The following MACROD2 variants were observed in gnomAD, a reference collection of about 807,000 sequenced individuals.
The protein encoded by MACROD2 is mono-ADP ribosylhydrolase 2, also known as ADP-ribose glycohydrolase MACROD2.
MACROD2 carries 36 observed loss-of-function variants against 70.4 expected under a neutral mutation model. The ratio of observed to expected loss-of-function variants is 0.51; its 90% CI spans 0.39 to 0.68. The LOEUF (loss-of-function observed/expected upper bound fraction) is 0.68, where lower values mean the gene tolerates loss of function less well. Ranked by LOEUF, MACROD2 falls within the 30% of genes least tolerant of loss-of-function variation. The pLI is 0.00. For missense variants in MACROD2, 496 were observed against 538.4 expected (o/e 0.92, Z 0.78); for synonymous variants, 172 against 178.8 (o/e 0.96, Z 0.30).
chr20:15,397,615 A>G (rs944726047), intron 6 of MACROD2, among the ~76,000 whole-genome samples: 3 of 152,086 alleles, frequency 2.0e-5, no homozygotes, highest in African/African-American at 4.8e-5. Flanking sequence ...TGCATTTTCT[A>G]TGGGTGCATT....
intron 3 of MACROD2, among the ~76,000 whole-genome samples, chr20:14,461,486 T>C (rs1156598175): frequency 6.6e-6 from 1 of 151,946 alleles, no homozygotes; most frequent in Admixed American, 6.6e-5. Context: ...ATTTGTTTGC[T>C]GTTACTTCTC....
chr20:14,661,810 A>G (rs910361629), intron 4 of MACROD2, among the ~76,000 whole-genome samples: 6 of 152,126 alleles, frequency 3.9e-5, no homozygotes, highest in African/African-American at 1.4e-4. Flanking sequence ...TCTTTTCAAA[A>G]AACACATTTT....
chr20:15,924,443 A>G (rs762299672), intron 10 of MACROD2, among the ~76,000 whole-genome samples: 5 of 152,170 alleles, frequency 3.3e-5, no homozygotes, highest in Non-Finnish European at 2.9e-5. Context: ...TGAAGCAGTT[A>G]CTCCTTTCAT....
intron 8 of MACROD2, among the ~76,000 whole-genome samples, chr20:15,580,494 C>G (rs2048508965): frequency 6.6e-6 from 1 of 152,194 alleles, no homozygotes; most frequent in Admixed American, 6.5e-5. Context: ...CTCTCCTCCC[C>G]TTCTCTCCTC....
intron 6 of MACROD2, among the ~76,000 whole-genome samples, chr20:15,315,182 T>C (rs1371081749): frequency 6.6e-6 from 1 of 152,222 alleles, no homozygotes. Context: ...TGTATGTATA[T>C]GTAATACACT....
intron 5 of MACROD2, among the ~76,000 whole-genome samples, chr20:14,992,357 A>G (rs2122872624): frequency 6.6e-6 from 1 of 152,296 alleles, no homozygotes; most frequent in African/African-American, 2.4e-5. Context: ...GAAGCTAGTT[A>G]AAATGCATGT....
intron 4 of MACROD2, among the ~76,000 whole-genome samples, chr20:14,495,223 T>G (rs1409049640): frequency 2.6e-5 from 4 of 152,102 alleles, no homozygotes; most frequent in Non-Finnish European, 5.9e-5. Flanking sequence ...CAGGCTGGAA[T>G]GGTTGTGTGA....
chr20:15,991,339 A>C (rs1402145761), intron 15 of MACROD2, among the ~76,000 whole-genome samples: 1 of 152,238 alleles, frequency 6.6e-6, no homozygotes, highest in Non-Finnish European at 1.5e-5. Flanking sequence ...TTAGAGGTTT[A>C]TCTCATCTAC....
At chr20:14,895,984 A>G (rs959942606) in intron 5 of MACROD2, among the ~76,000 whole-genome samples, 1 of 152,192 alleles carries the variant, frequency 6.6e-6, no homozygotes, top group South Asian at 2.1e-4. Flanking sequence ...GAAATGCGTT[A>G]GGTCAATTCA....
chr20:15,749,941 G>T (rs1345873722), intron 8 of MACROD2, among the ~76,000 whole-genome samples: 1 of 151,984 alleles, frequency 6.6e-6, no homozygotes, highest in Non-Finnish European at 1.5e-5. Flanking sequence ...ACATTGGCCT[G>T]GGCAAGGACT....
chr20:15,613,408 C>G (rs1290956581), intron 8 of MACROD2, among the ~76,000 whole-genome samples: 2 of 152,180 alleles, frequency 1.3e-5, no homozygotes, highest in Non-Finnish European at 2.9e-5. Context: ...CGGTGCCTGT[C>G]CTTCCTGCCT....
At chr20:15,870,131 T>C (rs954855204) in intron 9 of MACROD2, among the ~76,000 whole-genome samples, 3 of 152,048 alleles carry the variant, frequency 2.0e-5, no homozygotes, top group African/African-American at 7.2e-5. Context: ...ATAAATATTA[T>C]TGATATGAAT....
At chr20:14,507,544 A>G (rs1015744836) in intron 4 of MACROD2, among the ~76,000 whole-genome samples, 14 of 152,184 alleles carry the variant, frequency 9.2e-5, no homozygotes, top group African/African-American at 3.1e-4. Context: ...TTATATATAT[A>G]TACATATTTA....
chr20:14,745,638 T>C (rs549867945), intron 5 of MACROD2, among the ~76,000 whole-genome samples: 9 of 152,322 alleles, frequency 5.9e-5, no homozygotes, highest in Non-Finnish European at 1.2e-4. Flanking sequence ...TATGAGGCTT[T>C]AATAAGTTAA....
At chr20:14,964,795 G>A (rs888900641) in intron 5 of MACROD2, among the ~76,000 whole-genome samples, 3 of 152,038 alleles carry the variant, frequency 2.0e-5, no homozygotes, top group Non-Finnish European at 2.9e-5. Context: ...TAAAAATCAC[G>A]CTCAACTAAA....
chr20:15,987,215 C>T (rs2066498592), intron 15 of MACROD2, 57 bp downstream of exon 15: 1 of 1,374,452 alleles, frequency 7.3e-7, no homozygotes, highest in Admixed American at 2.2e-5. Context: ...GGATTCCTGC[C>T]TAGAATTCAA....
At chr20:15,340,965 T>A (rs1485898039) in intron 6 of MACROD2, among the ~76,000 whole-genome samples, 1 of 152,158 alleles carries the variant, frequency 6.6e-6, no homozygotes, top group African/African-American at 2.4e-5. Context: ...CATAAAATTA[T>A]TTTGAATAGA....
chr20:14,766,539 C>T (rs773692341), intron 5 of MACROD2, among the ~76,000 whole-genome samples: 4 of 151,954 alleles, frequency 2.6e-5, no homozygotes, highest in Admixed American at 6.6e-5. Flanking sequence ...CTCACTGAAG[C>T]CTTGTAAGAT....
chr20:15,846,660 C>T (rs914054915), intron 8 of MACROD2, among the ~76,000 whole-genome samples: 6 of 152,036 alleles, frequency 3.9e-5, no homozygotes, highest in African/African-American at 1.2e-4. Flanking sequence ...ACAAGCCTTA[C>T]GTAAGCCATG....
Sources: allele counts gnomAD v4.1 joint callset (sites outside exome capture counted in the v4.1 genomes callset), GRCh38; gene constraint gnomAD v4.1.1; transcripts MANE v1.5; gene names NCBI Gene and HGNC (gene_info 2026-07-23, HGNC 2026-07-21).